Variants in TIMD4 observed in about 807,000 individuals in gnomAD.
TIMD4 encodes the protein T-cell immunoglobulin and mucin domain-containing protein 4.
Under a neutral mutation model 41.2 loss-of-function variants are expected in TIMD4, and 31 were observed. The ratio of observed to expected loss-of-function variants is 0.75; its 90% CI spans 0.57 to 1.01. The LOEUF (loss-of-function observed/expected upper bound fraction) is 1.01. TIMD4 is among the 50% of genes least tolerant of loss of function. TIMD4 has a pLI of 0.00. For synonymous variants in TIMD4, 204 were observed against 177.1 expected, an observed-to-expected ratio of 1.15 and a Z score of -1.21; for missense variants, 479 against 472.5, an observed-to-expected ratio of 1.01 and a Z score of -0.13.
At chr5:156,956,747 C>T (rs1759978666) in intron 1 of TIMD4, among the ~76,000 whole-genome samples, 1 of 152,228 alleles carries the variant, frequency 6.6e-6, no homozygotes, top group Non-Finnish European at 1.5e-5. Flanking sequence ...GCCAGGCAGG[C>T]TGTAGATCTC....
intron 1 of TIMD4, among the ~76,000 whole-genome samples, chr5:156,961,632 G>A (rs943533142): frequency 4.9e-4 from 71 of 143,542 alleles, no homozygotes; most frequent in African/African-American, 1.9e-3. Flanking sequence ...GTGAAACCCC[G>A]TCTCTACTAA....
chr5:156,936,640 G>A (rs766535426), intron 5 of TIMD4, among the ~76,000 whole-genome samples: 1 of 152,058 alleles, frequency 6.6e-6, no homozygotes, highest in Non-Finnish European at 1.5e-5. Context: ...GAATACAATG[G>A]GAAGAGTGGC....
At position 156,928,157 on chromosome 5, in the gene TIMD4, G is replaced by C. The variant is rs114834495; in HGVS notation, c.845-1845C>G. Among the ~76,000 whole-genome samples the C allele has an allele frequency of 6.2e-3, 940 of 152,220 alleles. 5 individuals are homozygous for C. The highest frequency in any genetic ancestry group is 0.01 in the Admixed American group (156 of 15,292). ...AAATACAACATACAAAAATTAGCTG[G>C]CATGGTGGTGTGCGCCTGTAGTCCC... is the stretch of plus-strand genomic sequence containing the variant. On this transcript the variant is annotated intron_variant, in intron 5 of 8. Coordinates refer to ENST00000274532, the MANE Select transcript of TIMD4 (RefSeq NM_138379.3).
intron 6 of TIMD4, among the ~76,000 whole-genome samples, 197 bp downstream of exon 6, chr5:156,926,066 G>T (rs1174285416): frequency 6.6e-6 from 1 of 152,178 alleles, no homozygotes; most frequent in Non-Finnish European, 1.5e-5. Context: ...ACCACACCTG[G>T]CTAATTTTTG....
chr5:156,958,167 G>T (rs928389715), intron 1 of TIMD4, among the ~76,000 whole-genome samples: 26 of 152,204 alleles, frequency 1.7e-4, no homozygotes, highest in African/African-American at 6.3e-4. Context: ...AGCTACTTGG[G>T]AGGCTGAGGC....
rs535711848 is a variant in TIMD4 at position 156,949,714 on chromosome 5, G to T, written c.697C>A (p.Pro233Thr). ...ILTAESETVL[P>T]SDSWSSVEST... is the part of the protein sequence containing the mutation. Reference sequence around the variant, plus strand: ...TCAACACTACTCCAGGAATCACTGGGGAGGACAGTTTCTGATTCTGGAAGA... The same window carrying T: ...TCAACACTACTCCAGGAATCACTGGTGAGGACAGTTTCTGATTCTGGAAGA... Residue 233 changes from proline (P) to threonine (T), a missense_variant, in exon 4 of 9, where the codon CCC (proline) becomes ACC (threonine). By Grantham distance (38) the Pro-to-Thr change is conservative. Transcript: ENST00000274532. 1.9e-6 allele frequency: 3 copies of T among 1,613,140 alleles called. No homozygotes were observed. The highest frequency in any genetic ancestry group is 2.2e-5 in the East Asian group (1 of 44,874).
chr5:156,930,007 G>A (rs1461471909), intron 5 of TIMD4, among the ~76,000 whole-genome samples: 1 of 152,150 alleles, frequency 6.6e-6, no homozygotes. Flanking sequence ...GTCTCGCTCG[G>A]TCACCCAGGC....
In TIMD4 at chr5:156,954,949, C is replaced by T. The variant is rs116047077; in HGVS notation, c.59-193G>A. On this transcript the variant is annotated intron_variant, in intron 1 of 8. Transcript: ENST00000274532. ...CTGGAGTGCAGTGGTACAATCATGG[C>T]TCACTACAGCCTCAACCTCCCAGAC... is the stretch of plus-strand genomic sequence containing the variant. 3.1e-3 allele frequency among the ~76,000 whole-genome samples: 470 copies of T among 151,956 alleles called. 2 individuals carry two copies. The highest frequency in any genetic ancestry group is 5.3e-3 in the Non-Finnish European group (359 of 67,978).
At chr5:156,958,207 G>A (rs1760010180) in intron 1 of TIMD4, among the ~76,000 whole-genome samples, 1 of 152,046 alleles carries the variant, frequency 6.6e-6, no homozygotes, top group African/African-American at 2.4e-5. Flanking sequence ...GGGAGGCAGA[G>A]GTTGCAGTTA....
chr5:156,937,640 T>G (rs1010491936), intron 5 of TIMD4, among the ~76,000 whole-genome samples: 1 of 152,220 alleles, frequency 6.6e-6, no homozygotes, highest in Non-Finnish European at 1.5e-5. Context: ...TGGACATACC[T>G]CTTTTAAAGC....
intron 5 of TIMD4, among the ~76,000 whole-genome samples, chr5:156,934,386 G>C (rs1747818672): frequency 6.6e-6 from 1 of 152,156 alleles, no homozygotes; most frequent in Non-Finnish European, 1.5e-5. Flanking sequence ...TTCCCAAATA[G>C]CTGGGACTAC....
At chr5:156,935,344 C>T (rs1265109060) in intron 5 of TIMD4, 1 of 152,134 alleles carries the variant, frequency 6.6e-6, no homozygotes, top group Non-Finnish European at 1.5e-5. Context: ...TAATACAAAT[C>T]CGGAATTTCA....
intron 6 of TIMD4, among the ~76,000 whole-genome samples, chr5:156,925,657 G>A (rs1376922108): frequency 6.6e-6 from 1 of 152,210 alleles, no homozygotes; most frequent in Non-Finnish European, 1.5e-5. Context: ...TCTGCAGTAT[G>A]TCATGAACTC....
At chr5:156,947,223 GA>G (rs2113376875) in intron 5 of TIMD4, among the ~76,000 whole-genome samples, 1 of 151,060 alleles carries the variant, frequency 6.6e-6, no homozygotes, top group Admixed American at 6.6e-5. Flanking sequence ...TAGAAAGAAA[GA>G]AAAAAGAAAA....
At chr5:156,926,349 G>T in intron 5 of TIMD4, 37 bp from the exon 6 acceptor site, 1 of 1,606,746 alleles carries the variant, frequency 6.2e-7, no homozygotes, top group South Asian at 1.1e-5. Flanking sequence ...TTATATGTCT[G>T]GTTGGGGAAT....
At chr5:156,957,521 AAAAG>A (rs1274761279) in intron 1 of TIMD4, among the ~76,000 whole-genome samples, 2 of 147,606 alleles carry the variant, frequency 1.4e-5, no homozygotes, top group East Asian at 4.0e-4. Context: ...TCAAAAAAAA[AAAAG>A]AAAAAAGAAA....
At chr5:156,941,370 A>C (rs1759649826) in intron 5 of TIMD4, among the ~76,000 whole-genome samples, 1 of 152,140 alleles carries the variant, frequency 6.6e-6, no homozygotes, top group African/African-American at 2.4e-5. Flanking sequence ...ATAAAATATA[A>C]ATTCTTTAGT....
At chr5:156,945,772 C>A (rs1157202179) in intron 5 of TIMD4, among the ~76,000 whole-genome samples, 1 of 151,820 alleles carries the variant, frequency 6.6e-6, no homozygotes, top group Non-Finnish European at 1.5e-5. Context: ...TAAAATGATA[C>A]CTAAAGAGTG....
chr5:156,947,394 G>A (rs1003967641), intron 5 of TIMD4, among the ~76,000 whole-genome samples: 2 of 152,156 alleles, frequency 1.3e-5, no homozygotes, highest in Non-Finnish European at 2.9e-5. Flanking sequence ...AAATTTAAAG[G>A]TGCACATTTC....
Sources: allele counts gnomAD v4.1 joint callset (sites outside exome capture counted in the v4.1 genomes callset), GRCh38; gene constraint gnomAD v4.1.1; transcripts MANE v1.5; gene names NCBI Gene and HGNC (gene_info 2026-07-23, HGNC 2026-07-21).